The following BIRC6 variants were observed in gnomAD, a reference collection of about 807,000 sequenced individuals.
BIRC6 encodes dual E2 ubiquitin-conjugating enzyme/E3 ubiquitin-protein ligase BIRC6.
In BIRC6, 98 loss-of-function variants were observed where a neutral mutation model predicts 503.3. That is an observed-to-expected ratio of 0.19 (90% CI 0.17 to 0.23). The LOEUF is 0.23. Among genes scored for constraint, BIRC6 ranks in the 10% least tolerant of loss-of-function variants. The probability of loss-of-function intolerance (pLI) is 1.00; values close to 1 mark genes in which losing one functional copy is unlikely to be tolerated. For missense variants in BIRC6, 5,360 were observed against 5,806.0 expected, an observed-to-expected ratio of 0.92 and a Z score of 2.50; for synonymous variants, 2,240 against 2,078.7, an observed-to-expected ratio of 1.08 and a Z score of -2.11.
chr2:32,442,524 T>A, intron 19 of BIRC6, 69 bp downstream of exon 19: 1 of 1,431,684 alleles, frequency 7.0e-7, no homozygotes, highest in Non-Finnish European at 9.4e-7. Context: ...GATACCTTGT[T>A]TATAGTGTGA....
At chr2:32,371,658 C>T (rs1206739439) in intron 1 of BIRC6, among the ~76,000 whole-genome samples, 2 of 151,964 alleles carry the variant, frequency 1.3e-5, no homozygotes, top group African/African-American at 2.4e-5. Context: ...GCTGGGATTA[C>T]AGGCATGAGC....
intron 10 of BIRC6, among the ~76,000 whole-genome samples, chr2:32,421,244 C>G (rs1483950937): frequency 6.6e-6 from 1 of 151,534 alleles, no homozygotes; most frequent in Non-Finnish European, 1.5e-5. Flanking sequence ...GTAGCTGGGA[C>G]TACAGGCCCG....
chr2:32,597,324 TAACAG>T (rs1318174800), intron 68 of BIRC6, among the ~76,000 whole-genome samples: 1 of 152,232 alleles, frequency 6.6e-6, no homozygotes, highest in East Asian at 1.9e-4. Context: ...TAGGATGAAT[TAACAG>T]AAGAGAAATG....
intron 61 of BIRC6, among the ~76,000 whole-genome samples, chr2:32,539,226 C>A (rs2057468372): frequency 1.3e-5 from 2 of 152,048 alleles, no homozygotes; most frequent in Non-Finnish European, 2.9e-5. Flanking sequence ...ATTTATAGAA[C>A]TGAAGGAAGA....
rs1348041342 is a variant in BIRC6 at position 32,435,590 on chromosome 2, G to A, written c.3499+5G>A. The stretch of plus-strand genomic sequence containing the variant: ...TGGATGTAGAGGAATCACAGTGTGA[G>A]TTAAATTATAGAGCTGTTGTCCATG... On this transcript the variant is annotated splice_donor_5th_base_variant and intron_variant, in intron 14 of 73. Coordinates refer to ENST00000421745, the MANE Select transcript of BIRC6 (RefSeq NM_016252.4). The A allele has an allele frequency of 3.9e-6, 6 of 1,550,640 alleles. No individual in the cohort carries two copies. The highest frequency in any genetic ancestry group is 5.2e-6 in the Non-Finnish European group (6 of 1,146,934).
At position 32,357,459 on chromosome 2, in the gene BIRC6, G is replaced by A. The variant is rs1318779395; in HGVS notation, c.298G>A (p.Ala100Thr). The A allele has an allele frequency of 6.4e-7, 1 of 1,550,420 alleles. No individual in the cohort carries two copies. The highest frequency in any genetic ancestry group is 1.2e-5 in the South Asian group (1 of 84,002). ...TIKVIDGTSG[A>T]TLQASALSAK... ...CAAAGTCATCGACGGCACCTCGGGG[G>A]CCACACTGCAGGCCTCCGCGCTCAG... The change falls in exon 1 of 74, where the codon GCC becomes ACC. Residue 100 changes from alanine (A) to threonine (T), a missense_variant. Transcript: ENST00000421745. The surrounding 1 kb of genome is among the most constrained non-coding windows in gnomAD (Gnocchi z 4.9).
Position 32,465,173 on chromosome 2 carries a change from T to G in BIRC6, c.5356+9T>G, listed in dbSNP as rs200162505. On this transcript the variant is annotated intron_variant, in intron 26 of 73. Transcript: ENST00000421745. ...AGAGCGAATGCATTCAGGTAATCTT[T>G]TACTTTCTTAAATTTTTTTTTTTTT... 3 of 1,448,314 alleles carry G rather than the reference T, an allele frequency of 2.1e-6. No homozygotes were observed. In the South Asian group the frequency reaches 4.1e-5, roughly 20 times the overall value. The allele number at this position is 1,448,314 out of a possible 1,614,324, so 89.7% of individuals were successfully genotyped here. A position where few individuals can be genotyped will look rare whatever the true frequency, so the allele number is the denominator to read the frequency against.
At chr2:32,450,422 A>AC (rs2046570177) in intron 22 of BIRC6, among the ~76,000 whole-genome samples, 4 of 152,100 alleles carry the variant, frequency 2.6e-5, no homozygotes, top group Admixed American at 2.6e-4. Flanking sequence ...AGATAGCGTC[A>AC]CTGCACTCCA....
chr2:32,417,387 G>A (rs1222698017), intron 10 of BIRC6, among the ~76,000 whole-genome samples: 3 of 151,618 alleles, frequency 2.0e-5, no homozygotes, highest in African/African-American at 7.3e-5. Context: ...CAAGTGATCT[G>A]CCTGCCCCGG....
chr2:32,601,646 A>G (rs557516876), intron 70 of BIRC6, among the ~76,000 whole-genome samples: 1 of 152,344 alleles, frequency 6.6e-6, no homozygotes, highest in East Asian at 1.9e-4. Flanking sequence ...TAAATTATTA[A>G]AAGTGTACAA....
rs1572523946 is a variant in BIRC6, at chr2:32,481,194, A to G, written c.7409-126A>G. 8.8e-6 allele frequency: 7 copies of G among 799,428 alleles called. 1 individual carries two copies. In the Admixed American group the frequency reaches 9.0e-5, roughly 10 times the overall value. The allele number at this position is 799,428 out of a possible 1,614,324, so 49.5% of individuals were successfully genotyped here. On this transcript the variant is annotated intron_variant, in intron 37 of 73. Coordinates refer to ENST00000421745, the MANE Select transcript of BIRC6 (RefSeq NM_016252.4). ...ATTATGGAGCGAAATGTTTGCATAC[A>G]TAGAGTTTTTTTTTTTAGGCATATG...
rs1203465216 is a variant in BIRC6, at chr2:32,499,868, G to A, written c.8790G>A (p.Val2930=). The change falls in exon 46 of 74, where the codon GTG becomes GTA. Residue 2930 remains valine (V), a synonymous_variant. Coordinates refer to ENST00000421745, the MANE Select transcript of BIRC6 (RefSeq NM_016252.4). The part of the protein sequence containing the change: ...FDLLKLVNIL[V]QLPLSGNREY... ...TGTTAAAACTTGTTAACATTTTAGTGCAGCTGCCTCTTTCAGGCAATAGGG... is the reference window on the plus strand; with the variant it reads ...TGTTAAAACTTGTTAACATTTTAGTACAGCTGCCTCTTTCAGGCAATAGGG... 4 of 1,614,002 alleles carry A rather than the reference G, an allele frequency of 2.5e-6. No individual in the cohort carries two copies. Among genetic ancestry groups the A allele is most frequent in the East Asian group, 4.5e-5 (2 of 44,882 alleles).
At chr2:32,439,244 T>C (rs560768571) in intron 15 of BIRC6, among the ~76,000 whole-genome samples, 3 of 152,178 alleles carry the variant, frequency 2.0e-5, no homozygotes, top group African/African-American at 7.2e-5. Flanking sequence ...ATGAATAATA[T>C]TGGGGAAAAA....
chr2:32,445,407 A>ATT, intron 20 of BIRC6, 114 bp from the exon 21 acceptor site: 4 of 1,055,086 alleles, frequency 3.8e-6, no homozygotes, highest in Non-Finnish European at 3.9e-6. Context: ...TTTCCAGAAA[A>ATT]GGGAGTATCT....
At chr2:32,494,486 A>G (rs1374071914) in intron 45 of BIRC6, among the ~76,000 whole-genome samples, 1 of 151,984 alleles carries the variant, frequency 6.6e-6, no homozygotes, top group East Asian at 1.9e-4. Context: ...TCAGCCTCCC[A>G]AAGTGCTGGG....
chr2:32,578,212 ATTCTT>A (rs2060395616), intron 66 of BIRC6, among the ~76,000 whole-genome samples: 1 of 152,152 alleles, frequency 6.6e-6, no homozygotes, highest in Non-Finnish European at 1.5e-5. Context: ...AGTAAAATCT[ATTCTT>A]TTCCAGTTGT....
At chr2:32,578,851 C>CAG (rs1196786476) in intron 66 of BIRC6, among the ~76,000 whole-genome samples, 9 of 151,390 alleles carry the variant, frequency 5.9e-5, no homozygotes, top group Admixed American at 5.9e-4. Context: ...ATCACACACT[C>CAG]AGAAACATTT....
At chr2:32,529,927 A>G in intron 60 of BIRC6, 103 bp downstream of exon 60, 5 of 704,780 alleles carry the variant, frequency 7.1e-6, no homozygotes, top group African/African-American at 1.9e-5. Flanking sequence ...TTATATCAAC[A>G]TAAGATATAA....
chr2:32,477,447 A>T lies in BIRC6; in HGVS notation c.6932A>T (p.Lys2311Ile), dbSNP rs764566002. Reference sequence around the variant, plus strand: ...TTAGACACAGAAGTTACAACAGCAAAAGAAAGTCCTGAGATAGAACCACTT... The same window carrying T: ...TTAGACACAGAAGTTACAACAGCAATAGAAAGTCCTGAGATAGAACCACTT... ...SNLDTEVTTA[K>I]ESPEIEPLPF... The change falls in exon 35 of 74, where the codon AAA becomes ATA. Residue 2311 changes from lysine (K) to isoleucine (I), a missense_variant. Transcript: ENST00000421745. 1 of 1,614,024 alleles carries T rather than the reference A, an allele frequency of 6.2e-7. No individual in the cohort carries two copies. The highest frequency in any genetic ancestry group is 8.5e-7 in the Non-Finnish European group (1 of 1,179,886).
Sources: allele counts gnomAD v4.1 joint callset (sites outside exome capture counted in the v4.1 genomes callset), GRCh38; gene constraint gnomAD v4.1.1; non-coding constraint Gnocchi (gnomAD v3.1); transcripts MANE v1.5; gene names NCBI Gene and HGNC (gene_info 2026-07-23, HGNC 2026-07-21).